The following DYNC1I1 variants were observed in gnomAD, a reference collection of about 807,000 sequenced individuals.
The protein encoded by DYNC1I1 is dynein cytoplasmic 1 intermediate chain 1.
In DYNC1I1, 43 loss-of-function variants were observed where a neutral mutation model predicts 86.6. That is an observed-to-expected ratio of 0.50 (90% CI 0.39 to 0.64). DYNC1I1 has a LOEUF of 0.64. Among genes scored for constraint, DYNC1I1 ranks in the 30% least tolerant of loss-of-function variants. The pLI is 0.00. For synonymous variants in DYNC1I1, 262 were observed against 283.7 expected, an observed-to-expected ratio of 0.92 and a Z score of 0.77; for missense variants, 604 against 788.8, an observed-to-expected ratio of 0.77 and a Z score of 2.81.
intron 5 of DYNC1I1, among the ~76,000 whole-genome samples, chr7:95,849,746 T>G (rs1789528274): frequency 6.6e-6 from 1 of 152,182 alleles, no homozygotes; most frequent in African/African-American, 2.4e-5. Context: ...TTTTCCTAGT[T>G]CTGTAAAAAA....
At chr7:96,061,710 TCTCACACACA>T (rs1402365362) in intron 14 of DYNC1I1, among the ~76,000 whole-genome samples, 1 of 112,612 alleles carries the variant, frequency 8.9e-6, no homozygotes, top group Non-Finnish European at 1.8e-5. Context: ...TCTCTCTCTC[TCTCACACACA>T]CACACACACA....
intron 4 of DYNC1I1, among the ~76,000 whole-genome samples, chr7:95,821,186 G>A (rs1245990204): frequency 6.6e-6 from 1 of 152,126 alleles, no homozygotes; most frequent in African/African-American, 2.4e-5. Context: ...AAACAATTGA[G>A]AATTTATTGT....
At chr7:95,812,563 C>T (rs568573491) in intron 3 of DYNC1I1, among the ~76,000 whole-genome samples, 21 of 152,276 alleles carry the variant, frequency 1.4e-4, no homozygotes, top group African/African-American at 4.6e-4. Context: ...CAAGGCAAAA[C>T]AAGTCCCAAA....
chr7:95,819,842 T>C (rs767355805), intron 4 of DYNC1I1, among the ~76,000 whole-genome samples: 12 of 152,190 alleles, frequency 7.9e-5, no homozygotes, highest in Non-Finnish European at 1.6e-4. Flanking sequence ...AAATTTTTAA[T>C]ATCATTGTCT....
intron 5 of DYNC1I1, among the ~76,000 whole-genome samples, chr7:95,856,921 A>G (rs1789740140): frequency 6.6e-6 from 1 of 151,996 alleles, no homozygotes; most frequent in African/African-American, 2.4e-5. Flanking sequence ...AGAGGTTGCA[A>G]TGAGCCAAGA....
intron 3 of DYNC1I1, among the ~76,000 whole-genome samples, chr7:95,812,762 A>G (rs1794857920): frequency 6.6e-6 from 1 of 152,206 alleles, no homozygotes; most frequent in South Asian, 2.1e-4. Flanking sequence ...CTCAATGCAG[A>G]CATACAACAG....
At chr7:95,888,412 G>A (rs1443479105) in intron 6 of DYNC1I1, among the ~76,000 whole-genome samples, 1 of 152,102 alleles carries the variant, frequency 6.6e-6, no homozygotes, top group Non-Finnish European at 1.5e-5. Context: ...AGTCCAGCCT[G>A]GGCAACAGAG....
At chr7:96,065,378 CTTTTTTT>C (rs34423655) in intron 14 of DYNC1I1, among the ~76,000 whole-genome samples, 1 of 127,584 alleles carries the variant, frequency 7.8e-6, no homozygotes, top group Non-Finnish European at 1.6e-5. Flanking sequence ...TTCTTTCTTT[CTTTTTTT>C]TTTTTTTTTT....
At chr7:95,791,695 T>A (rs894852532) in intron 1 of DYNC1I1, among the ~76,000 whole-genome samples, 1 of 152,234 alleles carries the variant, frequency 6.6e-6, no homozygotes, top group Non-Finnish European at 1.5e-5. Context: ...GATTGTCAAT[T>A]ATAAATTAAT....
intron 6 of DYNC1I1, among the ~76,000 whole-genome samples, chr7:95,899,139 T>C (rs1414916769): frequency 6.6e-6 from 1 of 152,186 alleles, no homozygotes; most frequent in Non-Finnish European, 1.5e-5. Flanking sequence ...CCCCACCACC[T>C]AGGACAGTGC....
downstream of DYNC1I1, among the ~76,000 whole-genome samples, chr7:96,102,301 C>T (rs1791147731): frequency 6.6e-6 from 1 of 152,188 alleles, no homozygotes; most frequent in African/African-American, 2.4e-5. Context: ...TGATCCATTA[C>T]ATCAATGGTA....
chr7:95,948,931 T>A (rs1792477110), intron 6 of DYNC1I1, among the ~76,000 whole-genome samples: 1 of 152,070 alleles, frequency 6.6e-6, no homozygotes, highest in East Asian at 1.9e-4. Flanking sequence ...CTTTGTCAGG[T>A]TTATAGGATG....
intron 1 of DYNC1I1, among the ~76,000 whole-genome samples, chr7:95,777,917 G>C (rs992410898): frequency 6.6e-6 from 1 of 151,886 alleles, no homozygotes; most frequent in Admixed American, 6.6e-5. Flanking sequence ...CACATTTAAG[G>C]TTACATCTAA....
intron 10 of DYNC1I1, among the ~76,000 whole-genome samples, chr7:96,014,426 A>G (rs1293230062): frequency 1.3e-5 from 2 of 152,080 alleles, no homozygotes; most frequent in African/African-American, 4.8e-5. Context: ...TCACTAACCT[A>G]CTTCCCAGCA....
intron 13 of DYNC1I1, 23 bp downstream of exon 13, chr7:96,035,775 G>A: frequency 6.2e-7 from 1 of 1,608,496 alleles, no homozygotes; most frequent in African/African-American, 1.3e-5. Context: ...TTTCTTTACT[G>A]ATGACATGTT....
At chr7:96,061,919 C>G (rs1055012049) in intron 14 of DYNC1I1, among the ~76,000 whole-genome samples, 1 of 152,082 alleles carries the variant, frequency 6.6e-6, no homozygotes, top group African/African-American at 2.4e-5. Context: ...ACCCATTTGA[C>G]TTTGTAAGGC....
At chr7:95,983,535 G>C (rs1347444942) in intron 7 of DYNC1I1, among the ~76,000 whole-genome samples, 1 of 152,220 alleles carries the variant, frequency 6.6e-6, no homozygotes, top group Non-Finnish European at 1.5e-5. Flanking sequence ...GCTAGAAAGA[G>C]GGAGATGTTA....
intron 14 of DYNC1I1, among the ~76,000 whole-genome samples, chr7:96,049,482 A>G (rs948557069): frequency 2.0e-5 from 3 of 152,112 alleles, no homozygotes; most frequent in African/African-American, 4.8e-5. Context: ...CCTTTTGACA[A>G]TAATGATTAC....
intron 16 of DYNC1I1, among the ~76,000 whole-genome samples, chr7:96,083,592 C>T (rs946029810): frequency 2.6e-5 from 4 of 152,262 alleles, no homozygotes; most frequent in South Asian, 2.1e-4. Context: ...TCTCAGCCTT[C>T]CAAATCACCT....
Sources: allele counts gnomAD v4.1 joint callset (sites outside exome capture counted in the v4.1 genomes callset), GRCh38; gene constraint gnomAD v4.1.1; transcripts MANE v1.5; gene names NCBI Gene and HGNC (gene_info 2026-07-23, HGNC 2026-07-21).